The following NFIL3 variants were observed in gnomAD, a reference collection of about 807,000 sequenced individuals.
NFIL3 encodes the protein nuclear factor interleukin-3-regulated protein.
In NFIL3, 5 loss-of-function variants were observed where a neutral mutation model predicts 10.0. That is an observed-to-expected ratio of 0.50 (90% CI 0.26 to 1.06). The LOEUF (loss-of-function observed/expected upper bound fraction) is 1.06. Among genes scored for constraint, NFIL3 ranks in the 50% least tolerant of loss-of-function variants. The pLI is 0.13. For missense variants in NFIL3, 436 were observed against 547.6 expected, an observed-to-expected ratio of 0.80 and a Z score of 2.03; for synonymous variants, 202 against 206.5, an observed-to-expected ratio of 0.98 and a Z score of 0.19.
At chr9:91,467,467 G>A in the NFIL3 span, among the ~76,000 whole-genome samples, 5 of 152,092 alleles carry the variant, frequency 3.3e-5, no homozygotes, top group African/African-American at 9.7e-5. Context: ...TATTAACCAT[G>A]TATACTGCAG....
At chr9:91,470,418 C>CTCTTTTCTTGTT in the NFIL3 span, among the ~76,000 whole-genome samples, 2 of 119,750 alleles carry the variant, frequency 1.7e-5, 1 homozygote, top group East Asian at 5.1e-4. Context: ...TGATTCTTCT[C>CTCTTTTCTTGTT]TATTAGTCTT....
intron 1 of NFIL3, among the ~76,000 whole-genome samples, chr9:91,414,809 C>T (rs757007311): frequency 6.6e-6 from 1 of 152,180 alleles, no homozygotes; most frequent in African/African-American, 2.4e-5. Flanking sequence ...TGTGTTTCCA[C>T]GTGTTTGTCT....
chr9:91,424,746 C>G (rs1833850696), upstream of NFIL3, among the ~76,000 whole-genome samples: 1 of 152,226 alleles, frequency 6.6e-6, no homozygotes, highest in African/African-American at 2.4e-5. Flanking sequence ...TGTGAAGGTC[C>G]GCGCTCGGGT....
At chr9:91,466,002 G>T in the NFIL3 span, among the ~76,000 whole-genome samples, 1 of 151,710 alleles carries the variant, frequency 6.6e-6, no homozygotes, top group Non-Finnish European at 1.5e-5. Context: ...TATGTGTGGG[G>T]TGTGTGTGAT....
chr9:91,418,983 C>T (rs1833709904), intron 1 of NFIL3, among the ~76,000 whole-genome samples: 2 of 151,816 alleles, frequency 1.3e-5, no homozygotes. Flanking sequence ...CAAAGGTCAA[C>T]GTCTTTCAAC....
the NFIL3 span, among the ~76,000 whole-genome samples, chr9:91,438,191 A>T: frequency 6.6e-6 from 1 of 152,176 alleles, no homozygotes; most frequent in African/African-American, 2.4e-5. Context: ...TGACTTTTAA[A>T]TAATAGCCAT....
At chr9:91,465,383 G>T in the NFIL3 span, among the ~76,000 whole-genome samples, 1 of 152,064 alleles carries the variant, frequency 6.6e-6, no homozygotes, top group Non-Finnish European at 1.5e-5. Context: ...ATACTGGTGA[G>T]CCCTTCAAAG....
At chr9:91,431,893 T>C in the NFIL3 span, among the ~76,000 whole-genome samples, 1 of 152,182 alleles carries the variant, frequency 6.6e-6, no homozygotes, top group South Asian at 2.1e-4. Flanking sequence ...CTGGATCCCC[T>C]TTGCCTCACC....
rs1181011454 is a variant in NFIL3, at chr9:91,409,349, C to T, written c.1386G>A (p.Gly462=). ...ATQPISASDS[G] Reference sequence around the variant, plus strand: ...CCAGCTCTTACTCAGTAGTAATTTACCCAGAGTCTGAAGCAGAGATTGGTT... The same window carrying T: ...CCAGCTCTTACTCAGTAGTAATTTATCCAGAGTCTGAAGCAGAGATTGGTT... The change falls in exon 2 of 2, where the codon GGG becomes GGA. Residue 462 remains glycine (G), a synonymous_variant. Transcript: ENST00000297689. The T allele has an allele frequency of 4.5e-6, 7 of 1,556,236 alleles. No individual in the cohort carries two copies. Among genetic ancestry groups the T allele is most frequent in the Non-Finnish European group, 5.2e-6 (6 of 1,153,846 alleles).
At chr9:91,481,301 A>C in the NFIL3 span, among the ~76,000 whole-genome samples, 1 of 152,236 alleles carries the variant, frequency 6.6e-6, no homozygotes, top group East Asian at 1.9e-4. Flanking sequence ...TCACTAGCAT[A>C]AAACGTAGTT....
chr9:91,417,263 G>A (rs1041930152), intron 1 of NFIL3, among the ~76,000 whole-genome samples: 7 of 151,654 alleles, frequency 4.6e-5, no homozygotes, highest in African/African-American at 1.7e-4. Context: ...TTTTCTCCCT[G>A]TTATATAATA....
the NFIL3 span, among the ~76,000 whole-genome samples, chr9:91,441,595 A>G: frequency 4.6e-5 from 7 of 151,742 alleles, no homozygotes. Flanking sequence ...TTTTTTGTCT[A>G]TCTTTGTGAT....
chr9:91,467,972 T>C, the NFIL3 span, among the ~76,000 whole-genome samples: 5 of 152,198 alleles, frequency 3.3e-5, no homozygotes, highest in Admixed American at 3.3e-4. Flanking sequence ...GTCTTTGCTA[T>C]TGTGAATAGT....
the NFIL3 span, among the ~76,000 whole-genome samples, chr9:91,479,845 T>C: frequency 1.3e-5 from 2 of 152,200 alleles, no homozygotes; most frequent in Non-Finnish European, 2.9e-5. Flanking sequence ...GCGTAGTATC[T>C]GGGCCAGAGT....
At chr9:91,425,000 G>A (rs1833854640), upstream of NFIL3, among the ~76,000 whole-genome samples, 1 of 152,198 alleles carries the variant, frequency 6.6e-6, no homozygotes, top group Admixed American at 6.5e-5. Flanking sequence ...CACTCCCTGC[G>A]TTTACCGATA....
In NFIL3 at chr9:91,410,512, T is replaced by C. The variant is rs1381951292; in HGVS notation, c.223A>G (p.Met75Val). Residue 75 changes from methionine (M) to valine (V), a missense_variant, in exon 2 of 2, where the codon ATG (methionine) becomes GTG (valine). Physicochemically the swap from Met to Val is conservative, Grantham distance 21. Around this residue, in one of 3 missense-constraint regions of NFIL3, gnomAD observed 22 missense variants for 74.7 expected, o/e 0.29. Transcript: ENST00000297689. This position sits in a 1 kb window ranked among gnomAD's most constrained non-coding sequence, Gnocchi z 5.7. ...EFIPDEKKDA[M>V]YWEKRRKNNE... ...TTTTTCCGCCTTTTTTCCCAATACA[T>C]AGCATCTTTCTTTTCATCAGGAATG... The C allele has an allele frequency of 6.2e-7, 1 of 1,614,188 alleles. No individual in the cohort carries two copies. The highest frequency in any genetic ancestry group is 1.7e-5 in the Admixed American group (1 of 60,026).
chr9:91,473,878 A>C, the NFIL3 span, among the ~76,000 whole-genome samples: 1 of 152,226 alleles, frequency 6.6e-6, no homozygotes, highest in Non-Finnish European at 1.5e-5. Context: ...CTAAATAGAC[A>C]ATCATGTCAT....
At chr9:91,476,265 T>C in the NFIL3 span, among the ~76,000 whole-genome samples, 1 of 152,124 alleles carries the variant, frequency 6.6e-6, no homozygotes, top group Admixed American at 6.5e-5. Context: ...AAACCAAATC[T>C]AGCTGTGTAT....
chr9:91,424,225 T>G (rs1833835928), upstream of NFIL3, among the ~76,000 whole-genome samples: 1 of 151,842 alleles, frequency 6.6e-6, no homozygotes, highest in South Asian at 2.1e-4. Context: ...ACCCTCCCGG[T>G]CGCCGCGGTG....
Sources: gnomAD v4.1 joint callset for allele counts (sites outside exome capture counted in the v4.1 genomes callset) on GRCh38, gnomAD v4.1.1 for gene constraint, gnomAD v4.1.1 regional missense constraint, Gnocchi (gnomAD v3.1) non-coding constraint, MANE v1.5 for transcripts, NCBI Gene and HGNC (gene_info 2026-07-23, HGNC 2026-07-21) for gene names.